POP1: variants seen among roughly 807,000 people sequenced by gnomAD.
POP1 encodes the protein POP1 ribonuclease P/MRP subunit, also known as ribonucleases P/MRP protein subunit POP1.
POP1 carries 75 observed loss-of-function variants against 102.2 expected under a neutral mutation model. The ratio of observed to expected loss-of-function variants is 0.73; its 90% CI spans 0.61 to 0.89. The LOEUF (loss-of-function observed/expected upper bound fraction) is 0.89. Ranked by LOEUF, POP1 falls within the 40% of genes least tolerant of loss-of-function variation. The probability of loss-of-function intolerance (pLI) is 0.00; values close to 1 mark genes in which losing one functional copy is unlikely to be tolerated. For synonymous variants in POP1, 436 were observed against 464.1 expected (o/e 0.94, Z 0.78); for missense variants, 1,116 against 1,267.4 (o/e 0.88, Z 1.81).
chr8:98,146,765 C>T (rs1012954342), intron 12 of POP1, 82 bp downstream of exon 12: 7 of 1,057,050 alleles, frequency 6.6e-6, no homozygotes, highest in Non-Finnish European at 8.8e-6. Flanking sequence ...AAAAGTTATT[C>T]ATACTTCATA....
At chr8:98,122,668 C>T (rs746538182) in intron 1 of POP1, among the ~76,000 whole-genome samples, 2 of 152,120 alleles carry the variant, frequency 1.3e-5, no homozygotes, top group South Asian at 4.1e-4. Context: ...TACAGAAATA[C>T]ATATTATTTT....
intron 9 of POP1, among the ~76,000 whole-genome samples, chr8:98,138,794 C>A (rs767890730): frequency 3.3e-5 from 5 of 151,206 alleles, no homozygotes; most frequent in African/African-American, 1.2e-4. Flanking sequence ...CTGTAAACCA[C>A]TAAGCTGTGC....
rs74275389 is a variant in POP1, at chr8:98,118,855, GA to G, written c.-3+1477del. 7.4e-3 allele frequency among the ~76,000 whole-genome samples: 1,060 copies of G among 142,684 alleles called. 12 individuals are homozygous for G. Among genetic ancestry groups the G allele is most frequent in the African/African-American group, 0.022 (868 of 39,214 alleles). 93.6% of individuals were successfully genotyped at this position (142,684 alleles called of 152,430 possible). On this transcript the variant is annotated intron_variant, in intron 1 of 15. Coordinates refer to ENST00000401707, the MANE Select transcript of POP1 (RefSeq NM_001145860.2). ...TAGTGGATTGGAGAGGGAAGGGGTG[GA>G]AAAAAAAAAAAGAATAGTGGATAGA...
chr8:98,140,439 A>G (rs1388321050), intron 10 of POP1, among the ~76,000 whole-genome samples: 4 of 152,324 alleles, frequency 2.6e-5, no homozygotes, highest in Admixed American at 6.5e-5. Context: ...AAATGCATAC[A>G]CCAGGTACTG....
chr8:98,155,662 A>C, intron 14 of POP1, among the ~76,000 whole-genome samples: 1 of 151,852 alleles, frequency 6.6e-6, no homozygotes. Flanking sequence ...GCTCACTGCA[A>C]CCTCTGCCTC....
Position 98,150,531 on chromosome 8 carries a change from A to C in POP1, c.1949A>C (p.His650Pro). The C allele has an allele frequency of 6.2e-7, 1 of 1,614,116 alleles. No homozygotes were observed. Among genetic ancestry groups the C allele is most frequent in the Non-Finnish European group, 8.5e-7 (1 of 1,179,992 alleles). ...GGAGGGTTGAAAGAGTCTGCAGTGC[A>C]TTCTCAGTATAAGAGGTCGCCTAAT... is the stretch of plus-strand genomic sequence containing the variant. ...RVGGLKESAV[H>P]SQYKRSPNVP... The change falls in exon 14 of 16, where the codon CAT (histidine) becomes CCT (proline). Residue 650 changes from histidine to proline, a missense_variant. By Grantham distance (77) the His-to-Pro change is moderately conservative. Coordinates refer to ENST00000401707, the MANE Select transcript of POP1 (RefSeq NM_001145860.2).
At chr8:98,155,997 G>T in intron 14 of POP1, 53 bp from the exon 15 acceptor site, 9 of 1,472,176 alleles carry the variant, frequency 6.1e-6, no homozygotes, top group Middle Eastern at 2.6e-4. Context: ...AATTATTTTA[G>T]TTTTCCAATC....
Position 98,157,761 on chromosome 8 carries a change from C to A in POP1, c.2565C>A (p.Ala855=), listed in dbSNP as rs753588330. ...CCATCTTGGGCCACTTCCCCAGGGC[C>A]CTGGTTTGGGTCAGCCTGTCCCTGC... is the stretch of plus-strand genomic sequence containing the variant. The part of the protein sequence containing the change: ...CLSILGHFPR[A]LVWVSLSLLS... The change falls in exon 16 of 16, where the codon GCC becomes GCA. Residue 855 remains alanine, a synonymous_variant. Transcript: ENST00000401707. 5.0e-6 allele frequency: 8 copies of A among 1,614,216 alleles called. No individual in the cohort carries two copies. In the South Asian group the frequency reaches 8.8e-5, roughly 18 times the overall value.
Position 98,157,791 on chromosome 8 carries a change from C to T in POP1, c.2595C>T (p.Ser865=). ...ALVWVSLSLL[S]KGSPEPHTMI... is the part of the protein sequence containing the mutation. ...TTTGGGTCAGCCTGTCCCTGCTCAG[C>T]AAGGGCAGCCCCGAGCCTCACACCA... Residue 865 remains serine (S), a synonymous_variant, in exon 16 of 16, where the codon AGC becomes AGT. Transcript: ENST00000401707. 1 of 1,614,210 alleles carries T rather than the reference C, an allele frequency of 6.2e-7. No homozygotes were observed. Among genetic ancestry groups the T allele is most frequent in the Non-Finnish European group, 8.5e-7 (1 of 1,180,038 alleles).
At chr8:98,120,422 T>C (rs1815975927) in intron 1 of POP1, among the ~76,000 whole-genome samples, 1 of 152,220 alleles carries the variant, frequency 6.6e-6, no homozygotes, top group African/African-American at 2.4e-5. Flanking sequence ...CTAAGTGAGT[T>C]GTGTATATGC....
chr8:98,122,020 G>C (rs1816043119), intron 1 of POP1, among the ~76,000 whole-genome samples: 1 of 152,024 alleles, frequency 6.6e-6, no homozygotes. Context: ...GTAGAGATGG[G>C]GTTTCGCCAT....
At chr8:98,155,995 T>C in intron 14 of POP1, 55 bp from the exon 15 acceptor site, 1 of 1,589,964 alleles carries the variant, frequency 6.3e-7, no homozygotes, top group Non-Finnish European at 8.6e-7. Flanking sequence ...ATAATTATTT[T>C]AGTTTTCCAA....
rs552914300 is a variant in POP1, at chr8:98,131,955, C to T, written c.735+1729C>T. Among the ~76,000 whole-genome samples the T allele has an allele frequency of 3.9e-5, 6 of 152,296 alleles. No homozygotes were observed. In the East Asian group the frequency reaches 9.6e-4, roughly 24 times the overall value. ...ATGAAGTGACTTGCCTGGGCTCACACAGCTTGTTGGTGGCCTACATAGCAC... is the reference window on the plus strand; with the variant it reads ...ATGAAGTGACTTGCCTGGGCTCACATAGCTTGTTGGTGGCCTACATAGCAC... On this transcript the variant is annotated intron_variant, in intron 5 of 15. Coordinates refer to ENST00000401707, the MANE Select transcript of POP1 (RefSeq NM_001145860.2).
At chr8:98,123,622 C>G (rs1297903198) in intron 2 of POP1, 143 bp downstream of exon 2, 2 of 680,650 alleles carry the variant, frequency 2.9e-6, no homozygotes, top group Non-Finnish European at 4.8e-6. Flanking sequence ...ACTAAAAATA[C>G]AAGAATTAAC....
rs1816666198 is a variant in POP1 at position 98,140,181 on chromosome 8, T to G, written c.1466T>G (p.Leu489Trp). ...TGCAGACAAGAAGCCATTTTCGAGT[T>G]GTTGGGAGGTATACAAAGGGAAGAC... is the stretch of plus-strand genomic sequence containing the variant. ...LHCRQEAIFELLGGITSPAEI... is the reference protein window; with the variant it reads ...LHCRQEAIFEWLGGITSPAEI... Residue 489 changes from leucine (L) to tryptophan (W), a missense_variant, in exon 10 of 16, where the codon TTG (leucine) becomes TGG (tryptophan). Leu to Trp is a moderately conservative substitution (Grantham distance 61). Coordinates refer to ENST00000401707, the MANE Select transcript of POP1 (RefSeq NM_001145860.2). 1.2e-6 allele frequency: 2 copies of G among 1,613,756 alleles called. No homozygotes were observed. The highest frequency in any genetic ancestry group is 1.3e-5 in the African/African-American group (1 of 74,884).
intron 14 of POP1, among the ~76,000 whole-genome samples, chr8:98,151,793 A>G (rs1168531364): frequency 3.1e-5 from 4 of 129,146 alleles, no homozygotes; most frequent in African/African-American, 1.3e-4. Flanking sequence ...CCCAGGCTGG[A>G]GTACAGTGGC....
Position 98,156,227 on chromosome 8 carries a change from T to C in POP1, c.2235T>C (p.Cys745=). Residue 745 remains cysteine, a synonymous_variant, in exon 15 of 16, where the codon TGT becomes TGC. Coordinates refer to ENST00000401707, the MANE Select transcript of POP1 (RefSeq NM_001145860.2). ...ACCTAAGAAGATCTGAGGTGCCTTGTGCTCCCATGCCTAAAAAAACTCATC... is the reference window on the plus strand; with the variant it reads ...ACCTAAGAAGATCTGAGGTGCCTTGCGCTCCCATGCCTAAAAAAACTCATC... ...ESDLRRSEVP[C]APMPKKTHQP... is the part of the protein sequence containing the mutation. 1 of 1,614,098 alleles carries C rather than the reference T, an allele frequency of 6.2e-7. No homozygotes were observed. The highest frequency in any genetic ancestry group is 8.5e-7 in the Non-Finnish European group (1 of 1,180,012).
chr8:98,157,784 T>G lies in POP1; in HGVS notation c.2588T>G (p.Leu863Arg). The G allele has an allele frequency of 6.2e-7, 1 of 1,614,230 alleles. No individual in the cohort carries two copies. ...GCCCTGGTTTGGGTCAGCCTGTCCC[T>G]GCTCAGCAAGGGCAGCCCCGAGCCT... ...PRALVWVSLS[L>R]LSKGSPEPHT... Residue 863 changes from leucine (L) to arginine (R), a missense_variant, in exon 16 of 16, where the codon CTG (leucine) becomes CGG (arginine). Transcript: ENST00000401707.
rs749172266 is a variant in POP1, at chr8:98,150,563, G to A, written c.1981G>A (p.Gly661Ser). The A allele has an allele frequency of 6.2e-7, 1 of 1,614,214 alleles. No individual in the cohort carries two copies. Among genetic ancestry groups the A allele is most frequent in the Non-Finnish European group, 8.5e-7 (1 of 1,180,046 alleles). The change falls in exon 14 of 16, where the codon GGC becomes AGC. Residue 661 changes from glycine to serine, a missense_variant. Coordinates refer to ENST00000401707, the MANE Select transcript of POP1 (RefSeq NM_001145860.2). ...GTATAAGAGGTCGCCTAATGTCCCA[G>A]GCGATTTTCCAGACTGCCCTGCCGG... Reference protein sequence around the residue: ...SQYKRSPNVPGDFPDCPAGML... With the variant: ...SQYKRSPNVPSDFPDCPAGML...
Sources: gnomAD v4.1 joint callset for allele counts (sites outside exome capture counted in the v4.1 genomes callset) on GRCh38, gnomAD v4.1.1 for gene constraint, MANE v1.5 for transcripts, NCBI Gene and HGNC (gene_info 2026-07-23, HGNC 2026-07-21) for gene names.